Variants in CERS1 observed in about 807,000 individuals in gnomAD.
CERS1 encodes the protein Embryonic growth/differentiation factor 1.
A neutral mutation model predicts 35.7 loss-of-function variants in CERS1; 16 were observed. The observed-to-expected ratio is 0.45, with a 90% CI of 0.30 to 0.68. CERS1 has a LOEUF of 0.68. Ranked by LOEUF, CERS1 falls within the 30% of genes least tolerant of loss-of-function variation. The probability of loss-of-function intolerance (pLI) is 0.08; values close to 1 mark genes in which losing one functional copy is unlikely to be tolerated. For synonymous variants in CERS1, 243 were observed against 201.6 expected (o/e 1.21, Z -1.74); for missense variants, 454 against 453.9 (o/e 1.00, Z 0.00).
chr19:18,883,818 G>T (rs1369528870), intron 3 of CERS1, among the ~76,000 whole-genome samples: 1 of 152,178 alleles, frequency 6.6e-6, no homozygotes, highest in African/African-American at 2.4e-5. Flanking sequence ...GTGGGTGAGT[G>T]GGGTGGGGTG....
At position 18,870,694 on chromosome 19, in the gene CERS1, T is replaced by C. The variant is rs970529982; in HGVS notation, c.1011-75A>G. 36 of 503,424 alleles carry C rather than the reference T, an allele frequency of 7.2e-5. No homozygotes were observed. Among genetic ancestry groups the C allele is most frequent in the Non-Finnish European group, 1.3e-4 (35 of 278,128 alleles). 31.2% of individuals were successfully genotyped at this position (503,424 alleles called of 1,614,324 possible). ...CTGGCCCTCTTTCCCGCTTCTTCTC[T>C]GGCCGTTTCACACCCCCTGGCTCCT... is the stretch of plus-strand genomic sequence containing the variant. On this transcript the variant is annotated intron_variant, in intron 6 of 7. Coordinates refer to ENST00000623882, the MANE Select transcript of CERS1 (RefSeq NM_021267.5). The surrounding 1 kb of genome is among the most constrained non-coding windows in gnomAD (Gnocchi z 5.1).
rs2056116796 is a variant in CERS1, at chr19:18,878,838, CT to C, written c.1010+91del. 2 of 1,541,348 alleles carry C rather than the reference CT, an allele frequency of 1.3e-6. No homozygotes were observed. The highest frequency in any genetic ancestry group is 1.4e-5 in the African/African-American group (1 of 73,304). ...GGGGCAGCATCCGCGTCGGCCTCAT[CT>C]GCTGCTGGGTCTTGGGGGCCTGCCC... On this transcript the variant is annotated intron_variant, in intron 6 of 7. Transcript: ENST00000623882. The surrounding 1 kb of genome is among the most constrained non-coding windows in gnomAD (Gnocchi z 4.6).
At position 18,895,445 on chromosome 19, in the gene CERS1, CG is replaced by C. The variant is rs764982845; in HGVS notation, c.249+378del. ...CCTGCCGGAAAGAGCGCGCGGTGGC[CG>C]GAGCCATCCACCGCGCGGGGCCCCC... On this transcript the variant is annotated intron_variant, in intron 1 of 7. Coordinates refer to ENST00000623882, the MANE Select transcript of CERS1 (RefSeq NM_021267.5). This position sits in a 1 kb window ranked among gnomAD's most constrained non-coding sequence, Gnocchi z 6.4. Among the ~76,000 whole-genome samples the C allele has an allele frequency of 6.1e-4, 93 of 152,198 alleles. No homozygotes were observed. The highest frequency in any genetic ancestry group is 1.2e-3 in the Non-Finnish European group (79 of 67,978).
chr19:18,876,536 T>TGTGTGTGTGTGTGTGTG (rs1555703706), intron 6 of CERS1, among the ~76,000 whole-genome samples: 30 of 143,276 alleles, frequency 2.1e-4, no homozygotes, highest in Middle Eastern at 3.6e-3. Context: ...TTTGATTGGG[T>TGTGTGTGTGTGTGTGTG]TGTGTGTGTG....
In CERS1 at chr19:18,893,524, C is replaced by T. The variant is rs772416654; in HGVS notation, c.301G>A (p.Glu101Lys). The change falls in exon 2 of 8, where the codon GAG becomes AAG. Residue 101 changes from glutamate to lysine, a missense_variant. Transcript: ENST00000623882. ...LQPRDAAKMP[E>K]SAWKFLFYLG... ...TAGAAGAGAAACTTCCAAGCGCTCT[C>T]GGGCATCTTGGCGGCATCTCTGGGC... 8 of 1,610,874 alleles carry T rather than the reference C, an allele frequency of 5.0e-6. No individual in the cohort carries two copies. The highest frequency in any genetic ancestry group is 1.1e-5 in the South Asian group (1 of 90,392).
intron 2 of CERS1, among the ~76,000 whole-genome samples, chr19:18,884,967 C>T (rs2056314665): frequency 6.6e-6 from 1 of 152,090 alleles, no homozygotes; most frequent in African/African-American, 2.4e-5. Flanking sequence ...CCACCTGCCT[C>T]GGCCTCCCAA....
chr19:18,895,408 G>A lies in CERS1; in HGVS notation c.249+416C>T, dbSNP rs2056600901. Among the ~76,000 whole-genome samples, 1 of 152,122 alleles carries A rather than the reference G, an allele frequency of 6.6e-6. No individual in the cohort carries two copies. Among genetic ancestry groups the A allele is most frequent in the South Asian group, 2.1e-4 (1 of 4,830 alleles). On this transcript the variant is annotated intron_variant, in intron 1 of 7. Coordinates refer to ENST00000623882, the MANE Select transcript of CERS1 (RefSeq NM_021267.5). This position sits in a 1 kb window ranked among gnomAD's most constrained non-coding sequence, Gnocchi z 6.4. ...CGTTCCCGGTCCTGGGCTTCTCAGT[G>A]TCTGGCTCGGCCCTGCCGGAAAGAG...
At chr19:18,879,802 C>T (rs1331239148) in intron 4 of CERS1, among the ~76,000 whole-genome samples, 1 of 143,470 alleles carries the variant, frequency 7.0e-6, no homozygotes, top group Admixed American at 7.0e-5. Context: ...CTCTGCCAGG[C>T]CCCGCCCACC....
chr19:18,887,848 C>T (rs1300945475), intron 2 of CERS1, among the ~76,000 whole-genome samples: 4 of 152,092 alleles, frequency 2.6e-5, no homozygotes, highest in Non-Finnish European at 4.4e-5. Flanking sequence ...CAGCAGCCAT[C>T]TCCAGAACAT....
chr19:18,877,373 T>A (rs757997498), intron 6 of CERS1, among the ~76,000 whole-genome samples: 194 of 152,236 alleles, frequency 1.3e-3, no homozygotes, highest in Non-Finnish European at 2.5e-3. Context: ...CTTCCTGGTG[T>A]CTAGATGTGG....
At position 18,878,311 on chromosome 19, in the gene CERS1, A is replaced by T; in HGVS notation, c.1010+619T>A. ...GGCCCAGACACCCCCTGCCTGCCCCAGGCCTGGGGCTTCGGACACCATCTG... is the reference window on the plus strand; with the variant it reads ...GGCCCAGACACCCCCTGCCTGCCCCTGGCCTGGGGCTTCGGACACCATCTG... On this transcript the variant is annotated intron_variant, in intron 6 of 7. Transcript: ENST00000623882. This position sits in a 1 kb window ranked among gnomAD's most constrained non-coding sequence, Gnocchi z 4.6. 1.0e-6 allele frequency: 1 copy of T among 983,916 alleles called. No individual in the cohort carries two copies. The highest frequency in any genetic ancestry group is 1.2e-6 in the Non-Finnish European group (1 of 829,726). The allele number at this position is 983,916 out of a possible 1,614,324, so 60.9% of individuals were successfully genotyped here. A position where few individuals can be genotyped will look rare whatever the true frequency, so the allele number is the denominator to read the frequency against.
At chr19:18,885,815 G>A (rs966100350) in intron 2 of CERS1, among the ~76,000 whole-genome samples, 6 of 151,928 alleles carry the variant, frequency 3.9e-5, no homozygotes, top group Non-Finnish European at 7.4e-5. Context: ...CGCTGCGCCC[G>A]GCCTCTTCCT....
chr19:18,882,664 A>T (rs1036716135), intron 3 of CERS1, among the ~76,000 whole-genome samples: 1 of 150,918 alleles, frequency 6.6e-6, no homozygotes, highest in African/African-American at 2.4e-5. Flanking sequence ...AATAAATAAG[A>T]TAAAGTAATT....
chr19:18,877,890 T>C (rs4808868), intron 6 of CERS1: 781,200 of 885,144 alleles, frequency 0.88, 345,383 homozygotes, highest in Admixed American at 0.9. Flanking sequence ...TCTCAGTCAA[T>C]ACCAGCTCGA....
At chr19:18,877,219 C>G (rs914718480) in intron 6 of CERS1, among the ~76,000 whole-genome samples, 3 of 152,240 alleles carry the variant, frequency 2.0e-5, no homozygotes, top group Admixed American at 2.0e-4. Context: ...CATGCCAGCT[C>G]TTACCCTGTG....
At chr19:18,869,693 G>A (rs1465018041) in intron 7 of CERS1, among the ~76,000 whole-genome samples, 1 of 143,300 alleles carries the variant, frequency 7.0e-6, no homozygotes, top group East Asian at 2.3e-4. Context: ...AGGGTGTGGG[G>A]ATGGCATCTG....
intron 2 of CERS1, among the ~76,000 whole-genome samples, chr19:18,890,458 C>A (rs2056462295): frequency 6.6e-6 from 1 of 152,194 alleles, no homozygotes; most frequent in Non-Finnish European, 1.5e-5. Context: ...TGGAAATAAT[C>A]AGCTAACTTG....
At chr19:18,890,875 A>G (rs915598657) in intron 2 of CERS1, among the ~76,000 whole-genome samples, 1 of 148,332 alleles carries the variant, frequency 6.7e-6, no homozygotes, top group African/African-American at 2.5e-5. Flanking sequence ...TGTAATCCTG[A>G]CACTTTGGGA....
intron 2 of CERS1, among the ~76,000 whole-genome samples, chr19:18,893,091 T>C (rs997998659): frequency 1.3e-5 from 2 of 152,074 alleles, no homozygotes; most frequent in Admixed American, 1.3e-4. Flanking sequence ...TTTTTTGTAT[T>C]TTTAGTAGAG....
Sources: allele counts gnomAD v4.1 joint callset (sites outside exome capture counted in the v4.1 genomes callset), GRCh38; gene constraint gnomAD v4.1.1; non-coding constraint Gnocchi (gnomAD v3.1); transcripts MANE v1.5; gene names NCBI Gene and HGNC (gene_info 2026-07-23, HGNC 2026-07-21).